ACOT7: variants seen among roughly 807,000 people sequenced by gnomAD.
ACOT7 encodes the protein acyl-CoA thioesterase 7.
ACOT7 carries 12 observed loss-of-function variants against 40.2 expected under a neutral mutation model. That is an observed-to-expected ratio of 0.30 (90% CI 0.19 to 0.48). The LOEUF is 0.48. Ranked by LOEUF, ACOT7 falls within the 20% of genes least tolerant of loss-of-function variation. The pLI, the probability that ACOT7 is intolerant of heterozygous loss-of-function variation, is 0.99. For synonymous variants in ACOT7, 228 were observed against 219.5 expected (o/e 1.04, Z -0.34); for missense variants, 395 against 530.8 (o/e 0.74, Z 2.51).
chr1:6,363,481 G>A (rs1255640142), intron 1 of ACOT7, among the ~76,000 whole-genome samples: 1 of 152,156 alleles, frequency 6.6e-6, no homozygotes. Context: ...GTGCTTCAGT[G>A]GTCACGCTCC....
At chr1:6,334,675 G>C (rs966913891) in intron 3 of ACOT7, among the ~76,000 whole-genome samples, 16 of 152,228 alleles carry the variant, frequency 1.1e-4, no homozygotes, top group Admixed American at 5.2e-4. Flanking sequence ...AGCAAAGTGG[G>C]GCTGCAGGAC....
chr1:6,384,256 G>T (rs904542608), intron 1 of ACOT7, among the ~76,000 whole-genome samples: 3 of 151,798 alleles, frequency 2.0e-5, no homozygotes, highest in African/African-American at 7.2e-5. Context: ...ATGAGAAGAT[G>T]CTCAGTATCA....
intron 4 of ACOT7, among the ~76,000 whole-genome samples, chr1:6,329,952 G>A (rs975417677): frequency 6.6e-6 from 1 of 152,128 alleles, no homozygotes; most frequent in East Asian, 1.9e-4. Context: ...CAGGCAGGCT[G>A]GGGAGGAAGG....
intron 8 of ACOT7, among the ~76,000 whole-genome samples, chr1:6,277,197 G>A (rs1639221508): frequency 6.6e-6 from 1 of 152,234 alleles, no homozygotes; most frequent in Non-Finnish European, 1.5e-5. Context: ...TGGATCGCTG[G>A]CCCCTCGTGG....
intron 1 of ACOT7, among the ~76,000 whole-genome samples, chr1:6,373,986 T>G (rs1353251586): frequency 2.0e-5 from 3 of 152,234 alleles, no homozygotes; most frequent in Admixed American, 2.0e-4. Flanking sequence ...ATTATTCCTG[T>G]ATAACTCTGT....
intron 6 of ACOT7, among the ~76,000 whole-genome samples, chr1:6,303,826 C>A (rs767948331): frequency 6.6e-6 from 1 of 152,182 alleles, no homozygotes. Flanking sequence ...GGTTCCCGGA[C>A]GTCTGGGAGC....
chr1:6,303,329 A>G (rs998759086), intron 6 of ACOT7, among the ~76,000 whole-genome samples: 20 of 150,096 alleles, frequency 1.3e-4, no homozygotes, highest in African/African-American at 2.2e-4. Flanking sequence ...AATTACGGGG[A>G]AAAAAAAAAG....
chr1:6,289,095 GTTATT>G lies in ACOT7; in HGVS notation c.829+5764_829+5768del, dbSNP rs750989564. Among the ~76,000 whole-genome samples, 14 of 152,100 alleles carry G rather than the reference GTTATT, an allele frequency of 9.2e-5. No individual in the cohort carries two copies. Among genetic ancestry groups the G allele is most frequent in the South Asian group, 4.1e-4 (2 of 4,832 alleles). The stretch of plus-strand genomic sequence containing the variant: ...CATTCCGCATTCCCACTGTTTTCTG[GTTATT>G]TTATTTTATTTTTTTTTGAGACGGA... On this transcript the variant is annotated intron_variant, in intron 7 of 8. Coordinates refer to ENST00000361521, the MANE Select transcript of ACOT7 (RefSeq NM_007274.4). The surrounding 1 kb of genome is among the most constrained non-coding windows in gnomAD (Gnocchi z 4.6).
rs1642580154 is a variant in ACOT7, at chr1:6,393,668, C to T, written c.-269G>A. The stretch of plus-strand genomic sequence containing the variant: ...GGCCCGCTAGCCGCGGCAGCCGCGC[C>T]CGACCCGGTGGCAGCCCCGAGGGAA... On this transcript the variant is annotated 5_prime_UTR_variant, in exon 1 of 9. Coordinates refer to ENST00000361521, the MANE Select transcript of ACOT7 (RefSeq NM_007274.4). The T allele has an allele frequency of 4.0e-6, 1 of 249,404 alleles. No homozygotes were observed. The highest frequency in any genetic ancestry group is 2.3e-5 in the African/African-American group (1 of 44,194). The allele number at this position is 249,404 out of a possible 1,614,324, so 15.4% of individuals were successfully genotyped here. A position where few individuals can be genotyped will look rare whatever the true frequency, so the allele number is the denominator to read the frequency against.
chr1:6,290,706 C>T (rs747548305), intron 7 of ACOT7, among the ~76,000 whole-genome samples: 4 of 152,196 alleles, frequency 2.6e-5, no homozygotes, highest in South Asian at 2.1e-4. Flanking sequence ...ATGGAGGAGA[C>T]GTCACATCCG....
intron 8 of ACOT7, among the ~76,000 whole-genome samples, chr1:6,276,631 G>A (rs1639199053): frequency 6.6e-6 from 1 of 151,866 alleles, no homozygotes; most frequent in Admixed American, 6.5e-5. Flanking sequence ...GGCCGCCAGG[G>A]CACATCTGGA....
chr1:6,383,463 A>T (rs1642385380), intron 1 of ACOT7, among the ~76,000 whole-genome samples: 1 of 151,206 alleles, frequency 6.6e-6, no homozygotes, highest in Admixed American at 6.6e-5. Context: ...CTGGGATTAC[A>T]GGCGTGAGTC....
rs758946325 is a variant in ACOT7 at position 6,301,762 on chromosome 1, C to T, written c.713-6782G>A. On this transcript the variant is annotated intron_variant, in intron 6 of 8. Coordinates refer to ENST00000361521, the MANE Select transcript of ACOT7 (RefSeq NM_007274.4). The surrounding 1 kb of genome is among the most constrained non-coding windows in gnomAD (Gnocchi z 4.1). ...GTCACAGATGAGGGCAGGAAAAGCT[C>T]ATCCGGTCCCAGAAACCCCAAAGCC... Among the ~76,000 whole-genome samples, 1 of 152,208 alleles carries T rather than the reference C, an allele frequency of 6.6e-6. No individual in the cohort carries two copies. The highest frequency in any genetic ancestry group is 1.5e-5 in the Non-Finnish European group (1 of 68,046).
chr1:6,385,976 AACTGGGTGGGGCC>A (rs1235815178), intron 1 of ACOT7, among the ~76,000 whole-genome samples: 2 of 152,212 alleles, frequency 1.3e-5, no homozygotes, highest in South Asian at 2.1e-4. Flanking sequence ...GGAGAGGATG[AACTGGGTGGGGCC>A]ACAAGCAACA....
chr1:6,362,042 T>A (rs1044628710), intron 1 of ACOT7, among the ~76,000 whole-genome samples: 11 of 152,198 alleles, frequency 7.2e-5, no homozygotes, highest in Admixed American at 2.0e-4. Flanking sequence ...GCTGTGAGCA[T>A]CCCTAAAAAC....
At chr1:6,368,464 C>A (rs1420995358) in intron 1 of ACOT7, among the ~76,000 whole-genome samples, 1 of 152,164 alleles carries the variant, frequency 6.6e-6, no homozygotes, top group African/African-American at 2.4e-5. Flanking sequence ...ACTCCATATG[C>A]AGGTGCAGCA....
At chr1:6,369,523 C>T (rs1309160094) in intron 1 of ACOT7, among the ~76,000 whole-genome samples, 2 of 151,284 alleles carry the variant, frequency 1.3e-5, no homozygotes, top group South Asian at 2.1e-4. Context: ...TCTCCTGCCT[C>T]AGCCTCCTGA....
At chr1:6,365,415 T>C (rs1244251019) in intron 1 of ACOT7, among the ~76,000 whole-genome samples, 2 of 152,128 alleles carry the variant, frequency 1.3e-5, no homozygotes, top group Non-Finnish European at 2.9e-5. Flanking sequence ...AGTTACACTG[T>C]AGTCTATTAA....
chr1:6,375,925 G>C (rs1198075096), intron 1 of ACOT7, among the ~76,000 whole-genome samples: 1 of 142,498 alleles, frequency 7.0e-6, no homozygotes, highest in Non-Finnish European at 1.5e-5. Context: ...GCAACAGAGC[G>C]AGACTCCACC....
Sources: gnomAD v4.1 joint callset for allele counts (sites outside exome capture counted in the v4.1 genomes callset) on GRCh38, gnomAD v4.1.1 for gene constraint, Gnocchi (gnomAD v3.1) non-coding constraint, MANE v1.5 for transcripts, NCBI Gene and HGNC (gene_info 2026-07-23, HGNC 2026-07-21) for gene names.